The following TRIOBP variants were observed in gnomAD, a reference collection of about 807,000 sequenced individuals.
TRIOBP encodes TRIO and F-actin-binding protein.
TRIOBP carries 169 observed loss-of-function variants against 238.8 expected under a neutral mutation model. That is an observed-to-expected ratio of 0.71 (90% CI 0.62 to 0.80). The LOEUF is 0.80. Ranked by LOEUF, TRIOBP falls within the 30% of genes least tolerant of loss-of-function variation. TRIOBP has a pLI of 0.00. For missense variants in TRIOBP, 2,838 were observed against 3,122.6 expected (o/e 0.91, Z 2.17); for synonymous variants, 1,150 against 1,274.4 (o/e 0.90, Z 2.08).
chr22:37,744,435 GGT>G (rs1925115488), intron 11 of TRIOBP, among the ~76,000 whole-genome samples: 1 of 152,218 alleles, frequency 6.6e-6, no homozygotes, highest in African/African-American at 2.4e-5. Flanking sequence ...AGGTTGTGAT[GGT>G]TCCTGACTGC....
Position 37,701,307 on chromosome 22 carries a change from C to T in TRIOBP, c.-59C>T. On this transcript the variant is annotated splice_region_variant and 5_prime_UTR_variant, in exon 3 of 24. Coordinates refer to ENST00000644935, the MANE Select transcript of TRIOBP (RefSeq NM_001039141.3). ...TTGCCTCCCCCTCATTTTTGCCAGGCCTCACATAGACGGTCAGCCATTGGA... is the reference window on the plus strand; with the variant it reads ...TTGCCTCCCCCTCATTTTTGCCAGGTCTCACATAGACGGTCAGCCATTGGA... 1 of 1,393,246 alleles carries T rather than the reference C, an allele frequency of 7.2e-7. No homozygotes were observed. Among genetic ancestry groups the T allele is most frequent in the South Asian group, 1.2e-5 (1 of 82,376 alleles). 86.3% of individuals were successfully genotyped at this position (1,393,246 alleles called of 1,614,324 possible). A position where few individuals can be genotyped will look rare whatever the true frequency, so the allele number is the denominator to read the frequency against.
rs143157673 is a variant in TRIOBP at position 37,715,890 on chromosome 22, C to T, written c.584C>T (p.Thr195Ile). 6,606 of 1,613,628 alleles carry T rather than the reference C, an allele frequency of 4.1e-3. 17 individuals carry two copies. The highest frequency in any genetic ancestry group is 5.2e-3 in the Non-Finnish European group (6,192 of 1,179,896). The change falls in exon 6 of 24, where the codon ACC (threonine) becomes ATC (isoleucine). Residue 195 changes from threonine to isoleucine, a missense_variant. Thr to Ile is a moderately conservative substitution (Grantham distance 89). Coordinates refer to ENST00000644935, the MANE Select transcript of TRIOBP (RefSeq NM_001039141.3). ...DSSQRAPSLL[T>I]RSPVGGDAAG... ...TCCCAAAGGGCTCCGTCTCTCCTCA[C>T]CAGGTCCCCTGTGGGAGGAGATGCT...
intron 9 of TRIOBP, among the ~76,000 whole-genome samples, chr22:37,737,680 A>AAAAAAC (rs58857856): frequency 6.7e-6 from 1 of 150,126 alleles, no homozygotes; most frequent in Non-Finnish European, 1.5e-5. Context: ...AAAAAAAAAA[A>AAAAAAC]TCCTTGGCAT....
At chr22:37,770,307 G>A (rs1344121334) in intron 21 of TRIOBP, among the ~76,000 whole-genome samples, 3 of 150,858 alleles carry the variant, frequency 2.0e-5, no homozygotes, top group African/African-American at 7.3e-5. Context: ...GCGTGGTGGC[G>A]GGCGCGGTGG....
intron 10 of TRIOBP, among the ~76,000 whole-genome samples, chr22:37,739,437 GC>G (rs11326612): frequency 0.97 from 147,418 of 152,138 alleles, 71,461 homozygotes; most frequent in East Asian, 1. Flanking sequence ...GCAGCATAGC[GC>G]CCCCCAAGTA....
At chr22:37,712,508 T>A (rs1420861956) in intron 4 of TRIOBP, among the ~76,000 whole-genome samples, 1 of 152,022 alleles carries the variant, frequency 6.6e-6, no homozygotes, top group Non-Finnish European at 1.5e-5. Flanking sequence ...CTAATTTTTT[T>A]ATTTTTAGTA....
At chr22:37,734,269 CT>C in intron 8 of TRIOBP, 129 bp from the exon 9 acceptor site, 2 of 864,920 alleles carry the variant, frequency 2.3e-6, no homozygotes, top group Non-Finnish European at 3.8e-6. Flanking sequence ...ACCCTGTGTA[CT>C]TTTTGGCCTG....
Position 37,766,759 on chromosome 22 carries a change from G to A in TRIOBP, c.6472+942G>A, listed in dbSNP as rs147367436. On this transcript the variant is annotated intron_variant, in intron 18 of 23. Transcript: ENST00000644935. ...GCAGATCACCTGAGGTCAGGAGTTCGAGACTAGCCTGGCCAACATGGTGAA... is the reference window on the plus strand; with the variant it reads ...GCAGATCACCTGAGGTCAGGAGTTCAAGACTAGCCTGGCCAACATGGTGAA... Among the ~76,000 whole-genome samples the A allele has an allele frequency of 3.0e-3, 452 of 151,354 alleles. 1 individual carries two copies. Among genetic ancestry groups the A allele is most frequent in the African/African-American group, 0.01 (423 of 41,176 alleles).
chr22:37,753,442 T>A (rs1190744483), intron 12 of TRIOBP, among the ~76,000 whole-genome samples: 1 of 151,568 alleles, frequency 6.6e-6, no homozygotes, highest in African/African-American at 2.4e-5. Context: ...GCCCATCTAA[T>A]TTTTTTTTGT....
chr22:37,747,024 G>A (rs1466147778), intron 11 of TRIOBP, among the ~76,000 whole-genome samples: 1 of 152,222 alleles, frequency 6.6e-6, no homozygotes, highest in Non-Finnish European at 1.5e-5. Context: ...CAGCGGTCCT[G>A]GGGCCTTGGG....
chr22:37,719,095 C>T (rs1279991317), intron 6 of TRIOBP, among the ~76,000 whole-genome samples: 3 of 148,596 alleles, frequency 2.0e-5, no homozygotes, highest in East Asian at 2.1e-4. Context: ...CCCAGTTACT[C>T]GGGATGCTGA....
At chr22:37,735,681 C>T (rs1427053075) in intron 9 of TRIOBP, among the ~76,000 whole-genome samples, 4 of 152,246 alleles carry the variant, frequency 2.6e-5, no homozygotes, top group Non-Finnish European at 4.4e-5. Flanking sequence ...TTGACGTGTG[C>T]TTTTCCCATT....
rs1924507048 is a variant in TRIOBP, at chr22:37,733,211, A to G, written c.3948-87A>G. On this transcript the variant is annotated intron_variant, in intron 7 of 23. Coordinates refer to ENST00000644935, the MANE Select transcript of TRIOBP (RefSeq NM_001039141.3). ...TGCAGTGGGTCCCTGGCTGTCCCAC[A>G]TCTCCTCCTGTTGGAGGTGGGAGCA... is the stretch of plus-strand genomic sequence containing the variant. The G allele has an allele frequency of 2.8e-5, 30 of 1,062,126 alleles. No individual in the cohort carries two copies. In the South Asian group the frequency reaches 3.8e-4, roughly 13 times the overall value. The allele number at this position is 1,062,126 out of a possible 1,614,324, so 65.8% of individuals were successfully genotyped here. A position where few individuals can be genotyped will look rare whatever the true frequency, so the allele number is the denominator to read the frequency against.
intron 9 of TRIOBP, among the ~76,000 whole-genome samples, 164 bp from the exon 10 acceptor site, chr22:37,738,478 C>G (rs957890178): frequency 2.6e-5 from 4 of 152,028 alleles, no homozygotes; most frequent in African/African-American, 9.7e-5. Context: ...GAGGGTGAGT[C>G]ATGTGATAGA....
chr22:37,752,144 T>C (rs1263214648), intron 12 of TRIOBP, among the ~76,000 whole-genome samples: 1 of 152,030 alleles, frequency 6.6e-6, no homozygotes, highest in Non-Finnish European at 1.5e-5. Flanking sequence ...TCGTAGAAGC[T>C]GTCTGGCCCG....
intron 6 of TRIOBP, among the ~76,000 whole-genome samples, chr22:37,721,534 A>G (rs1009660001): frequency 7.2e-5 from 11 of 151,944 alleles, no homozygotes; most frequent in Admixed American, 3.3e-4. Context: ...CTGGAGGGCA[A>G]TGGCACATTC....
chr22:37,733,087 C>T (rs1313013911), intron 7 of TRIOBP, among the ~76,000 whole-genome samples: 1 of 152,244 alleles, frequency 6.6e-6, no homozygotes, highest in Non-Finnish European at 1.5e-5. Context: ...TCGCAAGAGC[C>T]TCATGAGGCA....
At chr22:37,746,108 C>G in intron 11 of TRIOBP, 2 of 877,264 alleles carry the variant, frequency 2.3e-6, no homozygotes, top group Non-Finnish European at 2.8e-6. Flanking sequence ...CGGCAGGTCC[C>G]GCCCCCGGCC....
intron 17 of TRIOBP, among the ~76,000 whole-genome samples, chr22:37,762,093 T>G (rs982380321): frequency 9.2e-5 from 14 of 152,128 alleles, no homozygotes; most frequent in African/African-American, 3.4e-4. Flanking sequence ...TTTTTAGAGA[T>G]GAGGTCTTTT....
Sources: allele counts gnomAD v4.1 joint callset (sites outside exome capture counted in the v4.1 genomes callset), GRCh38; gene constraint gnomAD v4.1.1; transcripts MANE v1.5; gene names NCBI Gene and HGNC (gene_info 2026-07-23, HGNC 2026-07-21).